Variants in SAMD5 observed in about 807,000 individuals in gnomAD.
SAMD5 encodes the protein sterile alpha motif domain-containing protein 5.
Under a neutral mutation model 11.3 loss-of-function variants are expected in SAMD5, and 13 were observed. The ratio of observed to expected loss-of-function variants is 1.15; its 90% CI spans 0.75 to 1.83. SAMD5 has a LOEUF of 1.83. Among genes scored for constraint, SAMD5 ranks in the 40% most tolerant of loss-of-function variants. The pLI, the probability that SAMD5 is intolerant of heterozygous loss-of-function variation, is 0.00. For missense variants in SAMD5, 255 were observed against 239.1 expected, an observed-to-expected ratio of 1.07 and a Z score of -0.44; for synonymous variants, 129 against 111.3, an observed-to-expected ratio of 1.16 and a Z score of -1.00.
chr6:147,840,361 A>G, the SAMD5 span, among the ~76,000 whole-genome samples: 39 of 152,360 alleles, frequency 2.6e-4, no homozygotes, highest in Admixed American at 5.2e-4. Context: ...TGCATATAAC[A>G]TCTGTTGCAA....
chr6:147,869,621 A>G, the SAMD5 span, among the ~76,000 whole-genome samples: 2 of 152,096 alleles, frequency 1.3e-5, no homozygotes, highest in African/African-American at 4.8e-5. Context: ...TCACAATTTA[A>G]AAAGTAAAAA....
At chr6:147,787,724 C>T in the SAMD5 span, among the ~76,000 whole-genome samples, 3 of 152,180 alleles carry the variant, frequency 2.0e-5, no homozygotes, top group African/African-American at 7.2e-5. Flanking sequence ...CTGTGTGATG[C>T]AAATTTTCTT....
chr6:147,693,911 G>T (rs907974325), intron 1 of SAMD5, among the ~76,000 whole-genome samples: 2 of 152,196 alleles, frequency 1.3e-5, no homozygotes, highest in Non-Finnish European at 2.9e-5. Context: ...GGAGGTTGCA[G>T]TGAGCCAAGA....
intron 1 of SAMD5, among the ~76,000 whole-genome samples, chr6:147,609,354 C>A (rs1293324719): frequency 6.6e-6 from 1 of 152,230 alleles, no homozygotes; most frequent in East Asian, 1.9e-4. Context: ...GCCTCATAGG[C>A]CTTAGAAGGA....
chr6:147,609,287 T>A (rs1482548794), intron 1 of SAMD5, among the ~76,000 whole-genome samples: 1 of 152,192 alleles, frequency 6.6e-6, no homozygotes, highest in African/African-American at 2.4e-5. Context: ...GGGAGCACTT[T>A]GTGAACATGA....
downstream of SAMD5, among the ~76,000 whole-genome samples, chr6:147,740,143 A>G (rs1562364250): frequency 6.6e-6 from 1 of 152,162 alleles, no homozygotes; most frequent in African/African-American, 2.4e-5. Context: ...AATTATTTAC[A>G]TTATCCATTA....
chr6:147,631,517 A>G (rs1016411126), intron 1 of SAMD5, among the ~76,000 whole-genome samples: 1 of 152,182 alleles, frequency 6.6e-6, no homozygotes, highest in Non-Finnish European at 1.5e-5. Flanking sequence ...ACTGAATACC[A>G]AGAGCCTGAG....
the SAMD5 span, among the ~76,000 whole-genome samples, chr6:147,876,607 A>G: frequency 3.3e-5 from 5 of 152,216 alleles, no homozygotes; most frequent in East Asian, 9.6e-4. Context: ...AAGAAAATAA[A>G]TTCTATTATC....
At chr6:147,781,154 G>C in the SAMD5 span, among the ~76,000 whole-genome samples, 3 of 147,810 alleles carry the variant, frequency 2.0e-5, no homozygotes, top group Non-Finnish European at 4.4e-5. Flanking sequence ...TTTGGTTTTG[G>C]ATTTGTTTTT....
intron 1 of SAMD5, among the ~76,000 whole-genome samples, chr6:147,721,426 A>G (rs1011468465): frequency 1.7e-4 from 26 of 152,112 alleles, no homozygotes; most frequent in East Asian, 7.8e-4. Context: ...TTGTGGTTTT[A>G]ATTTGCATTT....
chr6:147,729,817 A>G (rs756441565), intron 1 of SAMD5: 1 of 456,916 alleles, frequency 2.2e-6, no homozygotes, highest in South Asian at 1.5e-5. Flanking sequence ...GGGCGTGGCG[A>G]CTCATGCCTG....
the SAMD5 span, among the ~76,000 whole-genome samples, chr6:147,783,593 T>G: frequency 6.6e-6 from 1 of 152,034 alleles, no homozygotes; most frequent in African/African-American, 2.4e-5. Flanking sequence ...GAGACGGGGT[T>G]TCACTGTGTT....
chr6:147,795,146 T>G, the SAMD5 span, among the ~76,000 whole-genome samples: 2 of 148,956 alleles, frequency 1.3e-5, no homozygotes, highest in African/African-American at 5.0e-5. Flanking sequence ...ACATGTGCCA[T>G]GCTGGTGTGC....
chr6:147,607,508 A>G (rs1186366458), intron 1 of SAMD5, among the ~76,000 whole-genome samples: 1 of 152,178 alleles, frequency 6.6e-6, no homozygotes, highest in Non-Finnish European at 1.5e-5. Context: ...CAGAATGGAG[A>G]ACCCAGAAAC....
At chr6:147,656,662 A>G (rs569199147) in intron 1 of SAMD5, among the ~76,000 whole-genome samples, 9 of 152,344 alleles carry the variant, frequency 5.9e-5, no homozygotes, top group Admixed American at 5.9e-4. Context: ...GAACAACACC[A>G]GTACTATTTC....
At chr6:147,793,631 A>G in the SAMD5 span, among the ~76,000 whole-genome samples, 3 of 152,170 alleles carry the variant, frequency 2.0e-5, no homozygotes, top group Admixed American at 2.0e-4. Context: ...TGGAATGTGT[A>G]AGGAAACAAA....
chr6:147,549,274 A>T (rs1788731689), intron 1 of SAMD5, among the ~76,000 whole-genome samples: 1 of 152,172 alleles, frequency 6.6e-6, no homozygotes, highest in East Asian at 1.9e-4. Flanking sequence ...GCTCTGCATG[A>T]GTTTCAACCA....
chr6:147,885,253 G>A, the SAMD5 span, among the ~76,000 whole-genome samples: 1 of 152,116 alleles, frequency 6.6e-6, no homozygotes, highest in African/African-American at 2.4e-5. Context: ...GAGGCCAGGA[G>A]TTGGTGACCA....
chr6:147,817,916 CT>C, the SAMD5 span, among the ~76,000 whole-genome samples: 3 of 152,198 alleles, frequency 2.0e-5, no homozygotes, highest in Non-Finnish European at 1.5e-5. Context: ...AGTTTCTAAG[CT>C]TGTGTCTAGA....
Sources: gnomAD v4.1 joint callset for allele counts (sites outside exome capture counted in the v4.1 genomes callset) on GRCh38, gnomAD v4.1.1 for gene constraint, MANE v1.5 for transcripts, NCBI Gene and HGNC (gene_info 2026-07-23, HGNC 2026-07-21) for gene names.